The following C1QTNF3 variants were observed in gnomAD, a reference collection of about 807,000 sequenced individuals.
The protein encoded by C1QTNF3 is complement C1q tumor necrosis factor-related protein 3.
C1QTNF3 carries 26 observed loss-of-function variants against 32.6 expected under a neutral mutation model. That is an observed-to-expected ratio of 0.80 (90% CI 0.58 to 1.11). C1QTNF3 has a LOEUF of 1.11. C1QTNF3 is among the 50% of genes least tolerant of loss of function. The probability of loss-of-function intolerance (pLI) is 0.00; values close to 1 mark genes in which losing one functional copy is unlikely to be tolerated. For synonymous variants in C1QTNF3, 155 were observed against 146.0 expected (o/e 1.06, Z -0.44); for missense variants, 362 against 398.2 (o/e 0.91, Z 0.77).
chr5:34,167,811 G>C, the C1QTNF3 span: 1 of 152,094 alleles, frequency 6.6e-6, no homozygotes, highest in Non-Finnish European at 1.5e-5. Context: ...AGTATGTGTT[G>C]TTTTCCTTTA....
At chr5:34,127,054 A>T in the C1QTNF3 span, among the ~76,000 whole-genome samples, 1 of 152,178 alleles carries the variant, frequency 6.6e-6, no homozygotes, top group Non-Finnish European at 1.5e-5. Context: ...CCATGATTGT[A>T]ACCTTCCTGA....
chr5:34,102,696 G>A, the C1QTNF3 span, among the ~76,000 whole-genome samples: 2 of 152,186 alleles, frequency 1.3e-5, no homozygotes, highest in African/African-American at 4.8e-5. Context: ...TCCTTTGTAG[G>A]GACATGGATG....
the C1QTNF3 span, among the ~76,000 whole-genome samples, chr5:34,069,598 T>C: frequency 6.6e-6 from 1 of 152,162 alleles, no homozygotes; most frequent in African/African-American, 2.4e-5. Flanking sequence ...TAGTTTAAAA[T>C]ACTGAGATTA....
chr5:34,168,206 A>G, the C1QTNF3 span: 1 of 152,110 alleles, frequency 6.6e-6, no homozygotes, highest in African/African-American at 2.4e-5. Flanking sequence ...AGCATTCACA[A>G]TTTGGATTTA....
chr5:34,140,164 C>T, the C1QTNF3 span, among the ~76,000 whole-genome samples: 1 of 151,962 alleles, frequency 6.6e-6, no homozygotes, highest in African/African-American at 2.4e-5. Context: ...AGAACCAGAG[C>T]TATATGAAAT....
At chr5:34,106,311 CTAATA>C in the C1QTNF3 span, 1 of 151,706 alleles carries the variant, frequency 6.6e-6, no homozygotes, top group African/African-American at 2.4e-5. Context: ...AATTTTCCCT[CTAATA>C]TGTTAACATT....
At chr5:34,233,900 A>T in the C1QTNF3 span, among the ~76,000 whole-genome samples, 1 of 152,300 alleles carries the variant, frequency 6.6e-6, no homozygotes, top group South Asian at 2.1e-4. Context: ...TTAACTGACT[A>T]TATGAAATTC....
chr5:34,075,778 T>G, the C1QTNF3 span, among the ~76,000 whole-genome samples: 14 of 151,494 alleles, frequency 9.2e-5, no homozygotes, highest in Non-Finnish European at 2.1e-4. Flanking sequence ...CTCAAAGAGA[T>G]AATTGTGCAC....
At chr5:34,210,883 T>C in the C1QTNF3 span, among the ~76,000 whole-genome samples, 1 of 152,086 alleles carries the variant, frequency 6.6e-6, no homozygotes, top group Non-Finnish European at 1.5e-5. Flanking sequence ...ACAATATACA[T>C]TTTTTGCATT....
the C1QTNF3 span, among the ~76,000 whole-genome samples, chr5:34,056,471 TATATATATAGAGAGAGAGAGAGAGAG>T: frequency 3.6e-5 from 4 of 110,114 alleles, no homozygotes; most frequent in African/African-American, 1.5e-4. Flanking sequence ...TATATATATA[TATATATATAGAGAGAGAGAGAGAGAG>T]AGAGAGAGAG....
chr5:34,177,737 T>G, the C1QTNF3 span, among the ~76,000 whole-genome samples: 7 of 151,298 alleles, frequency 4.6e-5, no homozygotes, highest in African/African-American at 1.5e-4. Context: ...TCCACCCACC[T>G]CAGCCTCCCA....
chr5:34,175,586 T>C, the C1QTNF3 span: 1 of 423,178 alleles, frequency 2.4e-6, no homozygotes, highest in Non-Finnish European at 4.4e-6. Flanking sequence ...CATCTCACTA[T>C]AGCAGACTCT....
chr5:34,155,315 T>C, the C1QTNF3 span, among the ~76,000 whole-genome samples: 1 of 152,196 alleles, frequency 6.6e-6, no homozygotes. Context: ...ATGCACTTTA[T>C]ACACAGACAT....
chr5:34,242,364 C>G, the C1QTNF3 span, among the ~76,000 whole-genome samples: 1 of 152,146 alleles, frequency 6.6e-6, no homozygotes. Context: ...TGCACACTTA[C>G]CACCATCTGG....
the C1QTNF3 span, among the ~76,000 whole-genome samples, chr5:34,197,197 T>C: frequency 6.6e-6 from 1 of 152,308 alleles, no homozygotes. Flanking sequence ...TGGATAATAA[T>C]GCTACCAGTA....
chr5:34,203,396 A>G, the C1QTNF3 span, among the ~76,000 whole-genome samples: 68 of 152,354 alleles, frequency 4.5e-4, no homozygotes, highest in African/African-American at 1.6e-3. Context: ...ATATAGATTG[A>G]TAGATATTGG....
At chr5:34,074,463 C>T in the C1QTNF3 span, among the ~76,000 whole-genome samples, 1 of 151,568 alleles carries the variant, frequency 6.6e-6, no homozygotes, top group South Asian at 2.1e-4. Flanking sequence ...TCTGCTGTTT[C>T]CTTCCCAAAT....
intron 5 of C1QTNF3, among the ~76,000 whole-genome samples, chr5:34,021,973 C>A (rs1056506422): frequency 1.3e-5 from 2 of 152,212 alleles, no homozygotes; most frequent in African/African-American, 4.8e-5. Flanking sequence ...GTAGACACAG[C>A]TGTGGCACAA....
the C1QTNF3 span, among the ~76,000 whole-genome samples, chr5:34,161,842 C>T: frequency 3.9e-4 from 59 of 152,258 alleles, no homozygotes; most frequent in African/African-American, 1.4e-3. Flanking sequence ...TGATGCTATA[C>T]ATTAGTTGAA....
Sources: gnomAD v4.1 joint callset for allele counts (sites outside exome capture counted in the v4.1 genomes callset) on GRCh38, gnomAD v4.1.1 for gene constraint, MANE v1.5 for transcripts, NCBI Gene and HGNC (gene_info 2026-07-23, HGNC 2026-07-21) for gene names.